The following CNTLN variants were observed in gnomAD, a reference collection of about 807,000 sequenced individuals.
CNTLN encodes centlein.
CNTLN carries 212 observed loss-of-function variants against 180.0 expected under a neutral mutation model. The observed-to-expected ratio is 1.18, with a 90% CI of 1.05 to 1.32. The LOEUF is 1.32. Among genes scored for constraint, CNTLN ranks in the 40% most tolerant of loss-of-function variants. CNTLN has a pLI of 0.00. For synonymous variants in CNTLN, 722 were observed against 563.1 expected, an observed-to-expected ratio of 1.28 and a Z score of -3.99; for missense variants, 2,095 against 1,610.9, an observed-to-expected ratio of 1.30 and a Z score of -5.14.
downstream of CNTLN, among the ~76,000 whole-genome samples, chr9:17,504,946 T>C (rs1833905672): frequency 6.6e-6 from 1 of 152,088 alleles, no homozygotes; most frequent in African/African-American, 2.4e-5. Flanking sequence ...ACTGCAACAA[T>C]AGAAAACAAA....
At chr9:17,508,298 C>A (rs1833968826), downstream of CNTLN, among the ~76,000 whole-genome samples, 1 of 152,120 alleles carries the variant, frequency 6.6e-6, no homozygotes, top group East Asian at 1.9e-4. Flanking sequence ...AAATAGTAAG[C>A]AGAGTTTTTG....
In CNTLN at chr9:17,387,514, G is replaced by T. The variant is rs993297811; in HGVS notation, c.1988-648G>T. ...CTTTAAGGTTGTTAAGTTACTTGTA[G>T]GTTTTGGCTTGGTTGAAAAGGTTTT... On this transcript the variant is annotated intron_variant, in intron 13 of 25. Transcript: ENST00000380647. Among the ~76,000 whole-genome samples, 5 of 152,030 alleles carry T rather than the reference G, an allele frequency of 3.3e-5. No homozygotes were observed. In the East Asian group the frequency reaches 9.6e-4, roughly 29 times the overall value.
intron 5 of CNTLN, among the ~76,000 whole-genome samples, chr9:17,244,705 T>C (rs963836208): frequency 6.6e-6 from 1 of 152,168 alleles, no homozygotes; most frequent in Non-Finnish European, 1.5e-5. Context: ...TGTTTTGTGG[T>C]CTTCTCTTCC....
chr9:17,440,296 G>T (rs984461342), intron 18 of CNTLN, among the ~76,000 whole-genome samples: 1 of 151,836 alleles, frequency 6.6e-6, no homozygotes, highest in East Asian at 1.9e-4. Context: ...AAACACGGCC[G>T]GGCATGGTGG....
At chr9:17,377,260 G>A (rs1227143764) in intron 13 of CNTLN, among the ~76,000 whole-genome samples, 4 of 151,976 alleles carry the variant, frequency 2.6e-5, no homozygotes, top group African/African-American at 9.7e-5. Flanking sequence ...AAAATTCAAA[G>A]TATTACTAGG....
intron 2 of CNTLN, among the ~76,000 whole-genome samples, chr9:17,209,051 T>G (rs2131945851): frequency 6.6e-6 from 1 of 152,232 alleles, no homozygotes; most frequent in South Asian, 2.1e-4. Context: ...GAAGTTTTCC[T>G]ACTTTTTTGA....
chr9:17,177,998 C>A (rs939261912), intron 2 of CNTLN, among the ~76,000 whole-genome samples: 2 of 151,676 alleles, frequency 1.3e-5, no homozygotes, highest in Non-Finnish European at 2.9e-5. Flanking sequence ...TCTCCACATC[C>A]CCACTAGATT....
At chr9:17,429,239 A>G (rs980007901) in intron 18 of CNTLN, among the ~76,000 whole-genome samples, 9 of 152,052 alleles carry the variant, frequency 5.9e-5, no homozygotes, top group African/African-American at 1.4e-4. Context: ...TATCTCAACA[A>G]TGCTAATATA....
chr9:17,342,806 C>T (rs995109617), intron 12 of CNTLN, among the ~76,000 whole-genome samples: 1 of 152,162 alleles, frequency 6.6e-6, no homozygotes, highest in Non-Finnish European at 1.5e-5. Flanking sequence ...GTTTGATCTC[C>T]TAGATACATA....
intron 5 of CNTLN, among the ~76,000 whole-genome samples, chr9:17,258,608 G>T (rs1489579334): frequency 1.3e-5 from 2 of 149,006 alleles, no homozygotes; most frequent in Non-Finnish European, 2.9e-5. Context: ...TCCTACCCAT[G>T]AACATGGAAT....
intron 5 of CNTLN, among the ~76,000 whole-genome samples, chr9:17,262,567 C>T (rs1347390090): frequency 6.6e-6 from 1 of 151,166 alleles, no homozygotes; most frequent in Non-Finnish European, 1.5e-5. Flanking sequence ...TACACTGATG[C>T]CTGTTGTGGG....
At chr9:17,266,493 G>T (rs931846643) in intron 5 of CNTLN, among the ~76,000 whole-genome samples, 4 of 152,134 alleles carry the variant, frequency 2.6e-5, no homozygotes, top group Non-Finnish European at 5.9e-5. Flanking sequence ...GTGGTGTGCT[G>T]CTGAATAAAA....
intron 3 of CNTLN, among the ~76,000 whole-genome samples, chr9:17,233,118 C>T (rs1186991793): frequency 6.6e-6 from 1 of 152,040 alleles, no homozygotes; most frequent in Non-Finnish European, 1.5e-5. Context: ...TAGTCTTTGA[C>T]TTAGCAATTT....
intron 8 of CNTLN, among the ~76,000 whole-genome samples, chr9:17,329,266 G>A (rs935117200): frequency 6.6e-6 from 1 of 151,966 alleles, no homozygotes; most frequent in Non-Finnish European, 1.5e-5. Context: ...CTTTGAAATA[G>A]TTTAGCTTGG....
intron 18 of CNTLN, among the ~76,000 whole-genome samples, chr9:17,437,547 G>A (rs1049505111): frequency 3.3e-5 from 5 of 152,170 alleles, no homozygotes; most frequent in Non-Finnish European, 5.9e-5. Context: ...GTGAAAAATT[G>A]TAGCATATTT....
chr9:17,341,042 A>G, intron 11 of CNTLN, 94 bp downstream of exon 11: 1 of 1,181,426 alleles, frequency 8.5e-7, no homozygotes, highest in East Asian at 3.0e-5. Context: ...TTTGGTTTTA[A>G]AGAAATTATT....
chr9:17,496,111 A>G (rs1375696616), intron 25 of CNTLN, among the ~76,000 whole-genome samples: 1 of 152,118 alleles, frequency 6.6e-6, no homozygotes, highest in East Asian at 1.9e-4. Flanking sequence ...ATAATTCACT[A>G]TCCACATTCA....
chr9:17,230,709 C>G (rs960155629), intron 3 of CNTLN, among the ~76,000 whole-genome samples: 1 of 151,984 alleles, frequency 6.6e-6, no homozygotes, highest in Admixed American at 6.6e-5. Context: ...CTTTCTCCCT[C>G]CACATACTGG....
At chr9:17,172,102 T>C (rs1820457522) in intron 2 of CNTLN, among the ~76,000 whole-genome samples, 1 of 151,984 alleles carries the variant, frequency 6.6e-6, no homozygotes, top group Admixed American at 6.6e-5. Context: ...ATATGTGAGG[T>C]TGCGGCGGGT....
Sources: allele counts gnomAD v4.1 joint callset (sites outside exome capture counted in the v4.1 genomes callset), GRCh38; gene constraint gnomAD v4.1.1; transcripts MANE v1.5; gene names NCBI Gene and HGNC (gene_info 2026-07-23, HGNC 2026-07-21).